RCAN2: variants seen among roughly 807,000 people sequenced by gnomAD.
The protein encoded by RCAN2 is regulator of calcineurin 2, also known as calcipressin-2.
In RCAN2, 9 loss-of-function variants were observed where a neutral mutation model predicts 23.6. That is an observed-to-expected ratio of 0.38 (90% CI 0.23 to 0.67). RCAN2 has a LOEUF of 0.67. Among genes scored for constraint, RCAN2 ranks in the 30% least tolerant of loss-of-function variants. RCAN2 has a pLI of 0.51. For missense variants in RCAN2, 273 were observed against 302.3 expected (o/e 0.90, Z 0.72); for synonymous variants, 109 against 115.7 (o/e 0.94, Z 0.37).
At chr6:46,475,780 CA>C (rs1161873557) in intron 1 of RCAN2, among the ~76,000 whole-genome samples, 1 of 152,022 alleles carries the variant, frequency 6.6e-6, no homozygotes, top group Non-Finnish European at 1.5e-5. Context: ...TTTATTCATT[CA>C]AAAAACAATC....
intron 2 of RCAN2, among the ~76,000 whole-genome samples, chr6:46,283,101 C>T (rs1762258455): frequency 6.6e-6 from 1 of 152,100 alleles, no homozygotes; most frequent in African/African-American, 2.4e-5. Flanking sequence ...AGGAAAGGGG[C>T]TGAGTGACCA....
chr6:46,268,013 C>T (rs188145701), intron 2 of RCAN2, among the ~76,000 whole-genome samples: 172 of 151,810 alleles, frequency 1.1e-3, no homozygotes, highest in Admixed American at 1.9e-3. Context: ...AAAAAATAGC[C>T]ACATAGAGAA....
At chr6:46,376,772 G>A (rs976229922) in intron 2 of RCAN2, among the ~76,000 whole-genome samples, 1 of 151,880 alleles carries the variant, frequency 6.6e-6, no homozygotes, top group Non-Finnish European at 1.5e-5. Flanking sequence ...AGGGAAAGAG[G>A]ACAATGACCA....
chr6:46,455,166 A>G (rs1287742407), intron 2 of RCAN2, among the ~76,000 whole-genome samples: 2 of 152,228 alleles, frequency 1.3e-5, no homozygotes, highest in Non-Finnish European at 2.9e-5. Context: ...GTTATAATCC[A>G]AGAACAAAAT....
intron 2 of RCAN2, among the ~76,000 whole-genome samples, chr6:46,403,845 A>T (rs1766326106): frequency 6.6e-6 from 1 of 152,242 alleles, no homozygotes; most frequent in African/African-American, 2.4e-5. Context: ...AGAGTGTTCC[A>T]GAAACAGTAG....
At position 46,229,871 on chromosome 6, in the gene RCAN2, C is replaced by T. The variant is rs556179171; in HGVS notation, c.572-6570G>A. Reference sequence around the variant, plus strand: ...GAGGTGCTCTGATTTTTAGAATTTTCAGCTTTTCTGCTCTGGTTTCTCCCC... The same window carrying T: ...GAGGTGCTCTGATTTTTAGAATTTTTAGCTTTTCTGCTCTGGTTTCTCCCC... On this transcript the variant is annotated intron_variant, in intron 4 of 4. Coordinates refer to ENST00000371374, the MANE Select transcript of RCAN2 (RefSeq NM_001251974.2). Among the ~76,000 whole-genome samples, 163 of 152,304 alleles carry T rather than the reference C, an allele frequency of 1.1e-3. 1 individual carries two copies. Among genetic ancestry groups the T allele is most frequent in the Non-Finnish European group, 2.0e-3 (134 of 68,022 alleles).
chr6:46,391,264 A>T (rs530996000), intron 2 of RCAN2, among the ~76,000 whole-genome samples: 1 of 152,204 alleles, frequency 6.6e-6, no homozygotes, highest in Admixed American at 6.5e-5. Context: ...GACATGGATG[A>T]AGCTGGAAAC....
rs1361385072 is a variant in RCAN2, at chr6:46,411,726, CTGAG to C, written c.225+45022_225+45025del. On this transcript the variant is annotated intron_variant, in intron 2 of 4. Coordinates refer to ENST00000371374, the MANE Select transcript of RCAN2 (RefSeq NM_001251974.2). The stretch of plus-strand genomic sequence containing the variant: ...AAGGATGAGTCAGTGAAGCTGAGAT[CTGAG>C]TTAAAAGAAGTACCTAATCTTATAA... Among the ~76,000 whole-genome samples the C allele has an allele frequency of 5.3e-5, 8 of 152,014 alleles. No individual in the cohort carries two copies. The South Asian group carries it at 1.2e-3, about 24-fold the overall frequency.
intron 2 of RCAN2, among the ~76,000 whole-genome samples, chr6:46,445,566 T>C (rs1767682079): frequency 6.6e-6 from 1 of 152,072 alleles, no homozygotes; most frequent in Non-Finnish European, 1.5e-5. Flanking sequence ...ATCAAAGGAA[T>C]AAAATAAAGC....
At chr6:46,405,118 A>G (rs112002256) in intron 2 of RCAN2, among the ~76,000 whole-genome samples, 4,917 of 151,882 alleles carry the variant, frequency 0.032, 248 homozygotes, top group African/African-American at 0.11. Context: ...GGTGAGTGTT[A>G]CAGCTCTTAA....
At chr6:46,230,405 G>A (rs1323759477) in intron 4 of RCAN2, among the ~76,000 whole-genome samples, 3 of 152,180 alleles carry the variant, frequency 2.0e-5, no homozygotes, top group African/African-American at 7.2e-5. Flanking sequence ...AGGCCTCCTT[G>A]AGCTGCAGTG....
chr6:46,386,610 C>CAAAAAAAAAAAAAAAAAAAAACAAAA (rs142110760), intron 2 of RCAN2, among the ~76,000 whole-genome samples: 1 of 91,708 alleles, frequency 1.1e-5, no homozygotes, highest in Non-Finnish European at 1.9e-5. Context: ...CTCTGTCTCA[C>CAAAAAAAAAAAAAAAAAAAAACAAAA]AAAAAAAAAA....
intron 2 of RCAN2, among the ~76,000 whole-genome samples, chr6:46,302,674 A>G (rs1762938980): frequency 1.3e-5 from 2 of 152,034 alleles, no homozygotes; most frequent in South Asian, 2.1e-4. Context: ...ATCTCCAAAC[A>G]TGGTATCAAC....
At chr6:46,483,256 T>C (rs1768913419) in intron 1 of RCAN2, among the ~76,000 whole-genome samples, 1 of 152,190 alleles carries the variant, frequency 6.6e-6, no homozygotes, top group Non-Finnish European at 1.5e-5. Flanking sequence ...TCGATGAAGG[T>C]AATTTAGATC....
At chr6:46,384,407 A>G (rs778743755) in intron 2 of RCAN2, among the ~76,000 whole-genome samples, 2 of 152,250 alleles carry the variant, frequency 1.3e-5, no homozygotes, top group Non-Finnish European at 2.9e-5. Context: ...AACATGGAAT[A>G]TCTTTCCGGA....
rs765792336 is a variant in RCAN2 at position 46,223,099 on chromosome 6, T to C, written c.*42A>G. 7 of 1,598,176 alleles carry C rather than the reference T, an allele frequency of 4.4e-6. No homozygotes were observed. Among genetic ancestry groups the C allele is most frequent in the Non-Finnish European group, 8.5e-7 (1 of 1,173,212 alleles). On this transcript the variant is annotated 3_prime_UTR_variant, in exon 5 of 5. Coordinates refer to ENST00000371374, the MANE Select transcript of RCAN2 (RefSeq NM_001251974.2). ...TGACAAACAACAGGGGGAAAAAGCA[T>C]GATAAAGAGGAGACGGCTATTATCG...
intron 2 of RCAN2, among the ~76,000 whole-genome samples, chr6:46,266,412 C>T (rs1409581652): frequency 6.6e-6 from 1 of 152,166 alleles, no homozygotes; most frequent in African/African-American, 2.4e-5. Flanking sequence ...TTTCTCCCCA[C>T]TACAAAGAGG....
chr6:46,462,926 G>A (rs2150436557), intron 1 of RCAN2, among the ~76,000 whole-genome samples: 1 of 152,268 alleles, frequency 6.6e-6, no homozygotes, highest in South Asian at 2.1e-4. Flanking sequence ...TAGGAATTCT[G>A]GTCTAGAAAG....
intron 2 of RCAN2, among the ~76,000 whole-genome samples, chr6:46,443,711 A>G (rs1197035985): frequency 6.6e-6 from 1 of 152,194 alleles, no homozygotes; most frequent in African/African-American, 2.4e-5. Flanking sequence ...CTTAACTACA[A>G]GGGTGATTTG....
Sources: gnomAD v4.1 joint callset for allele counts (sites outside exome capture counted in the v4.1 genomes callset) on GRCh38, gnomAD v4.1.1 for gene constraint, MANE v1.5 for transcripts, NCBI Gene and HGNC (gene_info 2026-07-23, HGNC 2026-07-21) for gene names.